Variants in PIK3C2G observed in about 807,000 individuals in gnomAD.
The protein encoded by PIK3C2G is phosphatidylinositol 3-kinase C2 domain-containing subunit gamma.
A neutral mutation model predicts 181.1 loss-of-function variants in PIK3C2G; 168 were observed. The ratio of observed to expected loss-of-function variants is 0.93; its 90% confidence interval spans 0.82 to 1.05. PIK3C2G has a LOEUF of 1.05. Ranked by LOEUF, PIK3C2G falls within the 50% of genes least tolerant of loss-of-function variation. The pLI is 0.00. For synonymous variants in PIK3C2G, 573 were observed against 592.2 expected (o/e 0.97, Z 0.47); for missense variants, 1,869 against 1,732.8 (o/e 1.08, Z -1.40).
chr12:18,502,137 C>T (rs542815783), intron 22 of PIK3C2G, among the ~76,000 whole-genome samples: 6 of 152,294 alleles, frequency 3.9e-5, no homozygotes, highest in Admixed American at 3.3e-4. Context: ...CAGGACCTGT[C>T]TCTGGGATGT....
At chr12:18,684,270 G>A in the PIK3C2G span, 1 of 1,606,006 alleles carries the variant, frequency 6.2e-7, no homozygotes, top group South Asian at 1.1e-5. Context: ...ATTCCATCTT[G>A]GACTAAAAGC....
At chr12:18,668,320 G>C in the PIK3C2G span, among the ~76,000 whole-genome samples, 396 of 152,316 alleles carry the variant, frequency 2.6e-3, 1 homozygote, top group Non-Finnish European at 4.5e-3. Context: ...TGGAAAGTCA[G>C]AGAAACTAAG....
At chr12:18,669,285 C>G in the PIK3C2G span, among the ~76,000 whole-genome samples, 1 of 152,282 alleles carries the variant, frequency 6.6e-6, no homozygotes, top group African/African-American at 2.4e-5. Context: ...TTAACCACTG[C>G]ACTATATTCT....
chr12:18,688,287 T>C, the PIK3C2G span: 1 of 1,494,626 alleles, frequency 6.7e-7, no homozygotes, highest in South Asian at 1.2e-5. Context: ...ATTTCAAAAT[T>C]AAGTTATGTA....
intron 12 of PIK3C2G, among the ~76,000 whole-genome samples, chr12:18,370,360 T>G (rs1941959413): frequency 6.6e-6 from 1 of 152,316 alleles, no homozygotes; most frequent in South Asian, 2.1e-4. Context: ...TAGCCAATTT[T>G]ATTTGCTAGT....
chr12:18,461,288 T>G (rs1270908591), intron 18 of PIK3C2G, among the ~76,000 whole-genome samples: 1 of 152,178 alleles, frequency 6.6e-6, no homozygotes, highest in Non-Finnish European at 1.5e-5. Context: ...ACATTATAAT[T>G]TATTATGTTA....
At chr12:18,557,160 A>C (rs1322235099) in intron 26 of PIK3C2G, among the ~76,000 whole-genome samples, 2 of 152,112 alleles carry the variant, frequency 1.3e-5, no homozygotes, top group African/African-American at 4.8e-5. Flanking sequence ...TCATACTTTC[A>C]AAAGTTAAAA....
chr12:18,505,954 C>T (rs568617816), intron 24 of PIK3C2G, among the ~76,000 whole-genome samples: 5 of 152,320 alleles, frequency 3.3e-5, no homozygotes, highest in South Asian at 2.1e-4. Context: ...AAACCCTGAT[C>T]TCTTTCTAGT....
At chr12:18,724,528 T>G in the PIK3C2G span, among the ~76,000 whole-genome samples, 1 of 152,164 alleles carries the variant, frequency 6.6e-6, no homozygotes, top group Non-Finnish European at 1.5e-5. Flanking sequence ...AAGCATGTGT[T>G]GAAGGGGCAT....
the PIK3C2G span, among the ~76,000 whole-genome samples, chr12:18,701,980 A>C: frequency 6.6e-6 from 1 of 152,182 alleles, no homozygotes; most frequent in Non-Finnish European, 1.5e-5. Flanking sequence ...ATTCACCAAA[A>C]AATAAGCCTG....
chr12:18,310,787 A>AAT (rs933398767), intron 5 of PIK3C2G, among the ~76,000 whole-genome samples: 3 of 151,996 alleles, frequency 2.0e-5, no homozygotes, highest in Non-Finnish European at 2.9e-5. Context: ...CAATATAGTT[A>AAT]ATATAAACCA....
chr12:18,388,630 T>A (rs1943334906), intron 14 of PIK3C2G, among the ~76,000 whole-genome samples: 1 of 152,198 alleles, frequency 6.6e-6, no homozygotes. Flanking sequence ...CTTTGAATAA[T>A]CTGACAGAAT....
intron 1 of PIK3C2G, among the ~76,000 whole-genome samples, chr12:18,250,640 T>G (rs1181334930): frequency 2.6e-5 from 4 of 152,074 alleles, no homozygotes; most frequent in African/African-American, 7.2e-5. Flanking sequence ...TGCCCTTTCC[T>G]TGCTAACATT....
chr12:18,269,201 T>C (rs1948640399), intron 1 of PIK3C2G, among the ~76,000 whole-genome samples: 1 of 152,144 alleles, frequency 6.6e-6, no homozygotes, highest in South Asian at 2.1e-4. Flanking sequence ...CATAAGCCAC[T>C]GTGCCAGCTG....
the PIK3C2G span, among the ~76,000 whole-genome samples, chr12:18,704,513 A>G: frequency 8.2e-4 from 125 of 152,096 alleles, 1 homozygote; most frequent in East Asian, 5.8e-4. Context: ...TTTAGTAGAG[A>G]CGGGGTTTCA....
At chr12:18,471,509 C>T (rs570818109) in intron 18 of PIK3C2G, among the ~76,000 whole-genome samples, 2 of 152,264 alleles carry the variant, frequency 1.3e-5, no homozygotes, top group East Asian at 1.9e-4. Flanking sequence ...GTAACTGTTG[C>T]CTGAATAATT....
At chr12:18,413,956 C>A (rs116389468) in intron 16 of PIK3C2G, among the ~76,000 whole-genome samples, 1,670 of 152,110 alleles carry the variant, frequency 0.011, 27 homozygotes, top group African/African-American at 0.038. Context: ...CAACTATATC[C>A]CAAAAGAGTG....
chr12:18,559,170 A>G (rs750743942), intron 26 of PIK3C2G, among the ~76,000 whole-genome samples: 1 of 152,220 alleles, frequency 6.6e-6, no homozygotes, highest in African/African-American at 2.4e-5. Context: ...ATTTTACTTT[A>G]TATTTTCCTG....
intron 31 of PIK3C2G, 130 bp downstream of exon 31, chr12:18,609,759 A>C (rs867663275): frequency 1.0e-5 from 6 of 598,126 alleles, no homozygotes; most frequent in Middle Eastern, 9.2e-4. Context: ...AGAAACAATG[A>C]GCCAATTACA....
Sources: allele counts gnomAD v4.1 joint callset (sites outside exome capture counted in the v4.1 genomes callset), GRCh38; gene constraint gnomAD v4.1.1; transcripts MANE v1.5; gene names NCBI Gene and HGNC (gene_info 2026-07-23, HGNC 2026-07-21).